The following HCN4 variants were observed in gnomAD, a reference collection of about 807,000 sequenced individuals.
HCN4 encodes the protein hyperpolarization activated cyclic nucleotide gated potassium channel 4, also known as potassium/sodium hyperpolarization-activated cyclic nucleotide-gated channel 4.
In HCN4, 29 loss-of-function variants were observed where a neutral mutation model predicts 76.9. That is an observed-to-expected ratio of 0.38 (90% CI 0.28 to 0.51). The LOEUF (loss-of-function observed/expected upper bound fraction) is 0.51. Ranked by LOEUF, HCN4 falls within the 20% of genes least tolerant of loss-of-function variation. HCN4 has a pLI of 0.90. For synonymous variants in HCN4, 772 were observed against 762.5 expected (o/e 1.01, Z -0.21); for missense variants, 1,416 against 1,715.2 (o/e 0.83, Z 3.08).
chr15:73,339,778 C>T (rs1391525734), intron 2 of HCN4, among the ~76,000 whole-genome samples: 1 of 152,126 alleles, frequency 6.6e-6, no homozygotes, highest in Non-Finnish European at 1.5e-5. Flanking sequence ...GCCTCTGGGC[C>T]AAGCAGAGGT....
intron 1 of HCN4, among the ~76,000 whole-genome samples, chr15:73,359,201 C>G (rs994993807): frequency 1.3e-5 from 2 of 152,216 alleles, no homozygotes; most frequent in African/African-American, 4.8e-5. Flanking sequence ...TTTGTGGTAG[C>G]CCAGAGCTGG....
chr15:73,337,926 TG>T (rs2042976568), intron 2 of HCN4, among the ~76,000 whole-genome samples: 1 of 152,188 alleles, frequency 6.6e-6, no homozygotes, highest in Admixed American at 6.5e-5. Context: ...AGGAGGACTG[TG>T]GGCACTGGGG....
At chr15:73,347,343 G>C (rs2043034030) in intron 1 of HCN4, among the ~76,000 whole-genome samples, 1 of 152,166 alleles carries the variant, frequency 6.6e-6, no homozygotes, top group Non-Finnish European at 1.5e-5. Flanking sequence ...GGGTACCCTA[G>C]AGGGATGTGG....
At chr15:73,341,016 A>C (rs906067870) in intron 2 of HCN4, 2 of 151,258 alleles carry the variant, frequency 1.3e-5, no homozygotes, top group African/African-American at 4.9e-5. Flanking sequence ...TTGACAGCTA[A>C]GTATGGGGAA....
At chr15:73,358,380 T>G (rs8041251) in intron 1 of HCN4, among the ~76,000 whole-genome samples, 2,443 of 152,326 alleles carry the variant, frequency 0.016, 36 homozygotes, top group Middle Eastern at 0.027. Flanking sequence ...CATGGCTGAC[T>G]TTGGCATACA....
At chr15:73,327,361 T>A (rs2042906356) in intron 4 of HCN4, among the ~76,000 whole-genome samples, 1 of 152,078 alleles carries the variant, frequency 6.6e-6, no homozygotes, top group Non-Finnish European at 1.5e-5. Flanking sequence ...TCTGCCCGCC[T>A]TGGCCTCCCA....
At chr15:73,359,900 C>T (rs560303956) in intron 1 of HCN4, among the ~76,000 whole-genome samples, 6 of 152,218 alleles carry the variant, frequency 3.9e-5, no homozygotes, top group Non-Finnish European at 5.9e-5. Context: ...CCCCAATCAC[C>T]GCCATCCATG....
intron 1 of HCN4, among the ~76,000 whole-genome samples, chr15:73,358,483 G>C (rs3826046): frequency 6.6e-6 from 1 of 152,104 alleles, no homozygotes; most frequent in African/African-American, 2.4e-5. Flanking sequence ...CAGGCCACAC[G>C]CTCAGTGACA....
intron 1 of HCN4, among the ~76,000 whole-genome samples, chr15:73,355,399 G>T (rs529816122): frequency 6.6e-6 from 1 of 151,108 alleles, no homozygotes; most frequent in South Asian, 2.1e-4. Context: ...CAGTGCAGAG[G>T]CTAAAGAGGT....
chr15:73,331,062 A>T (rs1211256596), intron 3 of HCN4, among the ~76,000 whole-genome samples: 1 of 152,014 alleles, frequency 6.6e-6, no homozygotes, highest in Admixed American at 6.6e-5. Flanking sequence ...GGGCCCTGGG[A>T]ATTTGCCTTC....
chr15:73,345,373 G>C (rs988425155), intron 1 of HCN4, among the ~76,000 whole-genome samples: 1 of 152,122 alleles, frequency 6.6e-6, no homozygotes, highest in Non-Finnish European at 1.5e-5. Context: ...AGGGCCTTAT[G>C]GGGGATAAGG....
chr15:73,339,583 G>T (rs2042987316), intron 2 of HCN4, among the ~76,000 whole-genome samples: 1 of 152,252 alleles, frequency 6.6e-6, no homozygotes, highest in Admixed American at 6.5e-5. Context: ...TGGGGACTGG[G>T]CCCCAGGGAG....
At chr15:73,335,202 C>G (rs374842257) in intron 2 of HCN4, 1 of 152,314 alleles carries the variant, frequency 6.6e-6, no homozygotes, top group Non-Finnish European at 1.5e-5. Flanking sequence ...AGACACCAAC[C>G]TTCAGAACCC....
chr15:73,361,520 G>A (rs999075313), intron 1 of HCN4, among the ~76,000 whole-genome samples: 7 of 152,212 alleles, frequency 4.6e-5, no homozygotes, highest in Admixed American at 6.5e-5. Flanking sequence ...TTAGCAACTG[G>A]CAGTCGCAGC....
At chr15:73,330,914 G>C (rs2042928936) in intron 3 of HCN4, among the ~76,000 whole-genome samples, 1 of 152,200 alleles carries the variant, frequency 6.6e-6, no homozygotes, top group African/African-American at 2.4e-5. Flanking sequence ...TGAGCCTCTG[G>C]GAACAGGGAA....
chr15:73,347,430 C>A (rs189165830), intron 1 of HCN4, among the ~76,000 whole-genome samples: 4 of 152,226 alleles, frequency 2.6e-5, no homozygotes, highest in Admixed American at 2.6e-4. Context: ...GCCCCTGCCC[C>A]AGAGAAAGAA....
At position 73,367,900 on chromosome 15, in the gene HCN4, T is replaced by C. The variant is rs2043136534; in HGVS notation, c.371A>G (p.Asp124Gly). 1 of 1,384,288 alleles carries C rather than the reference T, an allele frequency of 7.2e-7. No individual in the cohort carries two copies. The highest frequency in any genetic ancestry group is 1.7e-5 in the South Asian group (1 of 57,308). 85.8% of individuals were successfully genotyped at this position (1,384,288 alleles called of 1,614,324 possible). A position where few individuals can be genotyped will look rare whatever the true frequency, so the allele number is the denominator to read the frequency against. Residue 124 changes from aspartate (D) to glycine (G), a missense_variant, in exon 1 of 8, where the codon GAC becomes GGC. Physicochemically the swap from Asp to Gly is moderately conservative, Grantham distance 94 (BLOSUM62 -1). Coordinates refer to ENST00000261917, the MANE Select transcript of HCN4 (RefSeq NM_005477.3). The surrounding 1 kb of genome is among the most constrained non-coding windows in gnomAD (Gnocchi z 7.5). ...GSGSSHGHLH[D>G]SAEERRLIAE... is the part of the protein sequence containing the mutation. ...GATGAGCCGCCGCTCCTCCGCGGAG[T>C]CATGCAGGTGTCCGTGACTGCTGCC...
intron 1 of HCN4, among the ~76,000 whole-genome samples, chr15:73,358,218 G>A (rs1330133626): frequency 6.6e-6 from 1 of 152,140 alleles, no homozygotes; most frequent in Non-Finnish European, 1.5e-5. Context: ...AGGAAGCCAG[G>A]CCCCAGGGGC....
At position 73,321,852 on chromosome 15, in the gene HCN4, C is replaced by T. The variant is rs943837386; in HGVS notation, c.*629G>A. 3.8e-5 allele frequency: 6 copies of T among 157,194 alleles called. No homozygotes were observed. Among genetic ancestry groups the T allele is most frequent in the South Asian group, 2.0e-4 (1 of 5,122 alleles). 9.7% of individuals were successfully genotyped at this position (157,194 alleles called of 1,614,324 possible). A position where few individuals can be genotyped will look rare whatever the true frequency, so the allele number is the denominator to read the frequency against. On this transcript the variant is annotated 3_prime_UTR_variant, in exon 8 of 8. Coordinates refer to ENST00000261917, the MANE Select transcript of HCN4 (RefSeq NM_005477.3). Reference sequence around the variant, plus strand: ...GATTAAACTAGACCGCACACGTGTGCGCACATGTGAGTGGCTATCTACATG... The same window carrying T: ...GATTAAACTAGACCGCACACGTGTGTGCACATGTGAGTGGCTATCTACATG...
Sources: allele counts gnomAD v4.1 joint callset (sites outside exome capture counted in the v4.1 genomes callset), GRCh38; gene constraint gnomAD v4.1.1; non-coding constraint Gnocchi (gnomAD v3.1); transcripts MANE v1.5; gene names NCBI Gene and HGNC (gene_info 2026-07-23, HGNC 2026-07-21).